Variants in RHOA observed in about 807,000 individuals in gnomAD.
RHOA encodes transforming protein RhoA.
Under a neutral mutation model 17.5 loss-of-function variants are expected in RHOA, and 3 were observed. The ratio of observed to expected loss-of-function variants is 0.17; its 90% CI spans 0.08 to 0.44. The LOEUF is 0.44. Ranked by LOEUF, RHOA falls within the 20% of genes least tolerant of loss-of-function variation. The probability of loss-of-function intolerance (pLI) is 0.99; values close to 1 mark genes in which losing one functional copy is unlikely to be tolerated. For synonymous variants in RHOA, 98 were observed against 88.4 expected, an observed-to-expected ratio of 1.11 and a Z score of -0.61; for missense variants, 56 against 242.3, an observed-to-expected ratio of 0.23 and a Z score of 5.10.
At chr3:49,381,361 C>T (rs2048313556) in intron 1 of RHOA, among the ~76,000 whole-genome samples, 1 of 150,484 alleles carries the variant, frequency 6.6e-6, no homozygotes, top group Non-Finnish European at 1.5e-5. Context: ...GCCGATATCT[C>T]GCCATTGCAT....
At chr3:49,393,729 T>TGTGTGTGTGTGAGAGAGA (rs1553635013) in intron 1 of RHOA, among the ~76,000 whole-genome samples, 1 of 136,752 alleles carries the variant, frequency 7.3e-6, no homozygotes, top group African/African-American at 2.8e-5. Context: ...TGTGTGTGTG[T>TGTGTGTGTGTGAGAGAGA]GACAGAATCT....
intron 1 of RHOA, among the ~76,000 whole-genome samples, chr3:49,407,232 G>GTTTTTTTTTTTTTTTTTTTTTTTT (rs61556875): frequency 2.9e-5 from 2 of 70,020 alleles, no homozygotes; most frequent in African/African-American, 5.2e-5. Context: ...AATCCTTTCC[G>GTTTTTTTTTTTTTTTTTTTTTTTT]TTTTTTTTTT....
intron 1 of RHOA, among the ~76,000 whole-genome samples, chr3:49,393,670 CTCTCTCTGTGTG>C (rs1559512123): frequency 0.24 from 23,195 of 97,024 alleles, 2,965 homozygotes; most frequent in South Asian, 0.39. Flanking sequence ...GTCTCAAATT[CTCTCTCTGTGTG>C]TGTGTGTGTG....
chr3:49,371,596 T>C (rs1575650156), intron 2 of RHOA, among the ~76,000 whole-genome samples: 1 of 152,310 alleles, frequency 6.6e-6, no homozygotes, highest in Non-Finnish European at 1.5e-5. Context: ...TATTGCATAC[T>C]GTTAAATGAA....
intron 3 of RHOA, among the ~76,000 whole-genome samples, chr3:49,367,642 C>T (rs2048080748): frequency 6.6e-6 from 1 of 151,626 alleles, no homozygotes; most frequent in African/African-American, 2.4e-5. Flanking sequence ...CTGCCTCAGC[C>T]CCTGGAATAG....
chr3:49,393,189 G>C (rs1220575457), intron 1 of RHOA, among the ~76,000 whole-genome samples: 8 of 151,890 alleles, frequency 5.3e-5, no homozygotes, highest in Non-Finnish European at 1.2e-4. Context: ...AAAAAATCAG[G>C]TATTTTAAAG....
At chr3:49,402,070 C>G (rs967337545) in intron 1 of RHOA, among the ~76,000 whole-genome samples, 22 of 152,190 alleles carry the variant, frequency 1.4e-4, no homozygotes, top group African/African-American at 5.3e-4. Context: ...AAAATCACTT[C>G]AAACTCAAGT....
intron 1 of RHOA, among the ~76,000 whole-genome samples, chr3:49,393,795 C>T (rs548321152): frequency 2.6e-5 from 4 of 151,300 alleles, no homozygotes; most frequent in South Asian, 2.1e-4. Flanking sequence ...CTGCAACCTC[C>T]GCCTCCCGGG....
At chr3:49,388,704 G>A (rs1216726849) in intron 1 of RHOA, among the ~76,000 whole-genome samples, 1 of 152,152 alleles carries the variant, frequency 6.6e-6, no homozygotes, top group African/African-American at 2.4e-5. Flanking sequence ...TGTTCAATGG[G>A]CCAGCCCACT....
intron 1 of RHOA, among the ~76,000 whole-genome samples, chr3:49,380,007 G>A (rs138894190): frequency 3.0e-4 from 45 of 152,224 alleles, no homozygotes; most frequent in African/African-American, 8.9e-4. Flanking sequence ...ACCATACTTC[G>A]ATTTTTAGCT....
chr3:49,393,470 CT>C (rs2048545938), intron 1 of RHOA, among the ~76,000 whole-genome samples: 1 of 151,832 alleles, frequency 6.6e-6, no homozygotes, highest in African/African-American at 2.4e-5. Flanking sequence ...CCACGTTTGG[CT>C]AATTGCTGTA....
intron 2 of RHOA, among the ~76,000 whole-genome samples, chr3:49,374,662 C>T (rs532927431): frequency 6.6e-6 from 1 of 151,974 alleles, no homozygotes; most frequent in East Asian, 1.9e-4. Context: ...GTGGAGGTTG[C>T]AGCGAGCTGA....
chr3:49,367,810 C>CCG (rs2048084269), intron 3 of RHOA, among the ~76,000 whole-genome samples: 1 of 151,964 alleles, frequency 6.6e-6, no homozygotes, highest in Non-Finnish European at 1.5e-5. Context: ...GTGTCAGCCG[C>CCG]CGCACCAGCC....
At chr3:49,375,173 T>C (rs979682908) in intron 2 of RHOA, among the ~76,000 whole-genome samples, 1 of 151,584 alleles carries the variant, frequency 6.6e-6, no homozygotes, top group African/African-American at 2.4e-5. Context: ...GGCAGGAGAA[T>C]CACTTGAACC....
intron 1 of RHOA, among the ~76,000 whole-genome samples, chr3:49,407,234 T>A (rs957254046): frequency 8.4e-5 from 1 of 11,848 alleles, no homozygotes; most frequent in Non-Finnish European, 2.1e-4. Context: ...TCCTTTCCGT[T>A]TTTTTTTTTT....
At chr3:49,404,457 C>CACACACACACACACACA (rs1447646944) in intron 1 of RHOA, among the ~76,000 whole-genome samples, 1 of 146,876 alleles carries the variant, frequency 6.8e-6, no homozygotes, top group Non-Finnish European at 1.5e-5. Flanking sequence ...CACACACACA[C>CACACACACACACACACA]AAAATTAGCC....
chr3:49,379,218 G>C (rs184743733), intron 1 of RHOA, among the ~76,000 whole-genome samples: 3 of 152,182 alleles, frequency 2.0e-5, no homozygotes, highest in Admixed American at 1.3e-4. Flanking sequence ...ATAAAGTACT[G>C]ATATATGCTA....
At chr3:49,360,706 A>C (rs1055281393) in intron 4 of RHOA, among the ~76,000 whole-genome samples, 1 of 150,472 alleles carries the variant, frequency 6.6e-6, no homozygotes, top group Non-Finnish European at 1.5e-5. Flanking sequence ...TGATCTGCCC[A>C]CCTCGGCCTC....
intron 3 of RHOA, among the ~76,000 whole-genome samples, chr3:49,364,741 G>A (rs2048027487): frequency 6.6e-6 from 1 of 152,008 alleles, no homozygotes; most frequent in Admixed American, 6.6e-5. Flanking sequence ...CAGCACTTTG[G>A]GAGGCCGAGG....
Sources: allele counts gnomAD v4.1 joint callset (sites outside exome capture counted in the v4.1 genomes callset), GRCh38; gene constraint gnomAD v4.1.1; transcripts MANE v1.5; gene names NCBI Gene and HGNC (gene_info 2026-07-23, HGNC 2026-07-21).